ACADS: variants seen among roughly 807,000 people sequenced by gnomAD.
ACADS encodes the protein acyl-CoA dehydrogenase short chain.
Under a neutral mutation model 46.8 loss-of-function variants are expected in ACADS, and 28 were observed. The ratio of observed to expected loss-of-function variants is 0.60; its 90% CI spans 0.44 to 0.82. The LOEUF (loss-of-function observed/expected upper bound fraction) is 0.82, where lower values mean the gene tolerates loss of function less well. Among genes scored for constraint, ACADS ranks in the 40% least tolerant of loss-of-function variants. The pLI is 0.00. For synonymous variants in ACADS, 236 were observed against 237.7 expected, an observed-to-expected ratio of 0.99 and a Z score of 0.07; for missense variants, 528 against 578.0, an observed-to-expected ratio of 0.91 and a Z score of 0.89.
At chr12:120,737,658 C>G in intron 4 of ACADS, 179 bp from the exon 5 acceptor site, 1 of 1,094,200 alleles carries the variant, frequency 9.1e-7, no homozygotes, top group Non-Finnish European at 1.3e-6. Flanking sequence ...TTTAAGACGC[C>G]AGCTCCTGCA....
At chr12:120,735,271 C>CAA (rs71076650) in intron 2 of ACADS, among the ~76,000 whole-genome samples, 693 of 55,624 alleles carry the variant, frequency 0.012, 56 homozygotes, top group Admixed American at 0.11. Context: ...GACTCTGTTT[C>CAA]AAAAAAAAAA....
chr12:120,731,859 C>T (rs1883259242), intron 2 of ACADS, among the ~76,000 whole-genome samples: 1 of 152,072 alleles, frequency 6.6e-6, no homozygotes, highest in Admixed American at 6.6e-5. Flanking sequence ...ATGCTGCCTT[C>T]AAGCATCTGT....
At position 120,726,984 on chromosome 12, in the gene ACADS, C is replaced by T. The variant is rs200365221; in HGVS notation, c.47-42C>T. 43 of 1,612,024 alleles carry T rather than the reference C, an allele frequency of 2.7e-5. No homozygotes were observed. The Middle Eastern group carries it at 6.8e-4, about 26-fold the overall frequency. On this transcript the variant is annotated intron_variant, in intron 1 of 9. Coordinates refer to ENST00000242592, the MANE Select transcript of ACADS (RefSeq NM_000017.4). ...GTGGGTCACTAGGATTCTTGGAGAC[C>T]TCCTGCCTCCTCCTTCCACTCACTT...
At chr12:120,737,678 C>T (rs1485657387) in intron 4 of ACADS, 159 bp from the exon 5 acceptor site, 19 of 1,159,114 alleles carry the variant, frequency 1.6e-5, no homozygotes, top group East Asian at 2.5e-5. Context: ...ACACCCCCCT[C>T]GCCCTCTGGT....
At position 120,727,024 on chromosome 12, in the gene ACADS, A is replaced by C. The variant is rs770646738; in HGVS notation, c.47-2A>C. The C allele has an allele frequency of 2.5e-6, 4 of 1,614,114 alleles. No homozygotes were observed. Among genetic ancestry groups the C allele is most frequent in the Non-Finnish European group, 2.5e-6 (3 of 1,180,018 alleles). ...TCCACTCACTTCTGCCCTTGCCGGC[A>C]GCTCTCTGTCCTAGGGCCTGGCGGC... On this transcript the variant is annotated splice_acceptor_variant, in intron 1 of 9. Transcript: ENST00000242592. LOFTEE classifies it high-confidence loss of function.
intron 2 of ACADS, among the ~76,000 whole-genome samples, chr12:120,727,735 C>T (rs1883129450): frequency 6.6e-6 from 1 of 152,136 alleles, no homozygotes; most frequent in Non-Finnish European, 1.5e-5. Flanking sequence ...GGCGTTTCAC[C>T]ATGTTGGCCA....
At chr12:120,736,745 A>G (rs1883450282) in intron 2 of ACADS, among the ~76,000 whole-genome samples, 1 of 152,106 alleles carries the variant, frequency 6.6e-6, no homozygotes, top group South Asian at 2.1e-4. Context: ...GTGGCTGTGG[A>G]CGGAGCGGGG....
intron 9 of ACADS, 42 bp from the exon 10 acceptor site, chr12:120,739,254 C>T (rs769675520): frequency 1.9e-5 from 30 of 1,612,828 alleles, no homozygotes; most frequent in Non-Finnish European, 2.3e-5. Flanking sequence ...GCTTTCCCCA[C>T]GCCGGGGTCT....
chr12:120,728,021 C>T lies in ACADS; in HGVS notation c.210+832C>T, dbSNP rs999460303. 6.6e-6 allele frequency among the ~76,000 whole-genome samples: 1 copy of T among 152,058 alleles called. No homozygotes were observed. The highest frequency in any genetic ancestry group is 2.4e-5 in the African/African-American group (1 of 41,400). On this transcript the variant is annotated intron_variant, in intron 2 of 9. Coordinates refer to ENST00000242592, the MANE Select transcript of ACADS (RefSeq NM_000017.4). This position sits in a 1 kb window ranked among gnomAD's most constrained non-coding sequence, Gnocchi z 4.0. Reference sequence around the variant, plus strand: ...GGAGGGCAGTGGCGCAATCTCAACGCACTGCACCCCTCTGCCTCCTGGGTT... The same window carrying T: ...GGAGGGCAGTGGCGCAATCTCAACGTACTGCACCCCTCTGCCTCCTGGGTT...
chr12:120,737,851 G>A lies in ACADS; in HGVS notation c.487G>A (p.Ala163Thr), dbSNP rs1323385877. The change falls in exon 5 of 10, where the codon GCA becomes ACA. Residue 163 changes from alanine (A) to threonine (T), a missense_variant. Transcript: ENST00000242592. ...ALSEPGNGSD[A>T]GAASTTARAE... ...TGTGTGGGCAGGGAACGGCAGTGATGCAGGAGCTGCGTCCACCACCGCCCG... is the reference window on the plus strand; with the variant it reads ...TGTGTGGGCAGGGAACGGCAGTGATACAGGAGCTGCGTCCACCACCGCCCG... 6.2e-7 allele frequency: 1 copy of A among 1,613,864 alleles called. No homozygotes were observed. The highest frequency in any genetic ancestry group is 8.5e-7 in the Non-Finnish European group (1 of 1,179,922).
chr12:120,738,745 C>T lies in ACADS; in HGVS notation c.933+75C>T, dbSNP rs1883546715. Reference sequence around the variant, plus strand: ...GAGAGTGTGGCCTCCTGACTGCTCTCCGTCCTCCTCCCCCTCCCTTCTGTC... The same window carrying T: ...GAGAGTGTGGCCTCCTGACTGCTCTTCGTCCTCCTCCCCCTCCCTTCTGTC... On this transcript the variant is annotated intron_variant, in intron 7 of 9. Coordinates refer to ENST00000242592, the MANE Select transcript of ACADS (RefSeq NM_000017.4). The T allele has an allele frequency of 8.7e-6, 14 of 1,610,324 alleles. No individual in the cohort carries two copies. The South Asian group carries it at 1.5e-4, about 18-fold the overall frequency.
chr12:120,728,287 C>G lies in ACADS; in HGVS notation c.210+1098C>G, dbSNP rs1883151038. ...CTCCCCTGAGTTTCCCATCAGCGCG[C>G]TCCCTCCCGTGCCACTGTGTTCTTC... On this transcript the variant is annotated intron_variant, in intron 2 of 9. Transcript: ENST00000242592. This position sits in a 1 kb window ranked among gnomAD's most constrained non-coding sequence, Gnocchi z 4.0. Among the ~76,000 whole-genome samples, 1 of 152,008 alleles carries G rather than the reference C, an allele frequency of 6.6e-6. No homozygotes were observed. The highest frequency in any genetic ancestry group is 1.5e-5 in the Non-Finnish European group (1 of 68,008).
At chr12:120,729,835 G>T (rs1883198786) in intron 2 of ACADS, among the ~76,000 whole-genome samples, 1 of 152,138 alleles carries the variant, frequency 6.6e-6, no homozygotes, top group Non-Finnish European at 1.5e-5. Context: ...CTGTGTCCAG[G>T]CTCTGGGATG....
rs374221373 is a variant in ACADS, at chr12:120,728,342, C to T, written c.210+1153C>T. On this transcript the variant is annotated intron_variant, in intron 2 of 9. Coordinates refer to ENST00000242592, the MANE Select transcript of ACADS (RefSeq NM_000017.4). The surrounding 1 kb of genome is among the most constrained non-coding windows in gnomAD (Gnocchi z 4.0). ...TGCATTCAGTCTGTCTGCAGCTACG[C>T]GTTGAAGATGTTACTGCCGTACACG... Among the ~76,000 whole-genome samples the T allele has an allele frequency of 5.9e-5, 9 of 152,224 alleles. No homozygotes were observed. Among genetic ancestry groups the T allele is most frequent in the African/African-American group, 2.2e-4 (9 of 41,538 alleles).
rs1039043101 is a variant in ACADS, at chr12:120,728,151, T to G, written c.210+962T>G. On this transcript the variant is annotated intron_variant, in intron 2 of 9. Transcript: ENST00000242592. The surrounding 1 kb of genome is among the most constrained non-coding windows in gnomAD (Gnocchi z 4.0). ...CAGTAGAGATGGGGTTTCTCCATGT[T>G]GGGCAGGCTGGTCTCAAACTCCTGA... Among the ~76,000 whole-genome samples the G allele has an allele frequency of 4.6e-5, 7 of 151,996 alleles. No homozygotes were observed. The highest frequency in any genetic ancestry group is 2.0e-4 in the Admixed American group (3 of 15,268).
Position 120,728,658 on chromosome 12 carries a change from C to T in ACADS, c.210+1469C>T, listed in dbSNP as rs1883159866. Among the ~76,000 whole-genome samples the T allele has an allele frequency of 6.6e-6, 1 of 151,800 alleles. No individual in the cohort carries two copies. The highest frequency in any genetic ancestry group is 1.5e-5 in the Non-Finnish European group (1 of 67,960). ...AGTAGCTGGGATTACAGGCGCACAC[C>T]ACCATACCCGGCTAATTTTATGTAT... On this transcript the variant is annotated intron_variant, in intron 2 of 9. Coordinates refer to ENST00000242592, the MANE Select transcript of ACADS (RefSeq NM_000017.4). This position sits in a 1 kb window ranked among gnomAD's most constrained non-coding sequence, Gnocchi z 4.0.
At chr12:120,732,957 C>T (rs1416749852) in intron 2 of ACADS, among the ~76,000 whole-genome samples, 3 of 152,242 alleles carry the variant, frequency 2.0e-5, no homozygotes, top group African/African-American at 4.8e-5. Context: ...AACGAGACTC[C>T]GTCTGCAATC....
At chr12:120,730,227 C>T (rs1004186210) in intron 2 of ACADS, among the ~76,000 whole-genome samples, 7 of 152,146 alleles carry the variant, frequency 4.6e-5, no homozygotes, top group African/African-American at 1.2e-4. Flanking sequence ...GTTATCCGCC[C>T]GCCTGGGCCT....
Position 120,739,133 on chromosome 12 carries a change from T to G in ACADS, c.1030-7T>G. The G allele has an allele frequency of 1.2e-6, 2 of 1,612,832 alleles. No homozygotes were observed. Among genetic ancestry groups the G allele is most frequent in the Non-Finnish European group, 1.7e-6 (2 of 1,179,890 alleles). On this transcript the variant is annotated splice_region_variant and splice_polypyrimidine_tract_variant and intron_variant, in intron 8 of 9. Transcript: ENST00000242592. ...AGGGAAGGCTCTGACTGTACCCCCATGTTTAGGAGGCAGCCATGGCCAAGC... is the reference window on the plus strand; with the variant it reads ...AGGGAAGGCTCTGACTGTACCCCCAGGTTTAGGAGGCAGCCATGGCCAAGC...
Sources: allele counts gnomAD v4.1 joint callset (sites outside exome capture counted in the v4.1 genomes callset), GRCh38; gene constraint gnomAD v4.1.1; non-coding constraint Gnocchi (gnomAD v3.1); transcripts MANE v1.5; gene names NCBI Gene and HGNC (gene_info 2026-07-23, HGNC 2026-07-21).